Variants in SLC4A10 observed in about 807,000 individuals in gnomAD.
The protein encoded by SLC4A10 is sodium-driven chloride bicarbonate exchanger.
SLC4A10 carries 42 observed loss-of-function variants against 137.7 expected under a neutral mutation model. That is an observed-to-expected ratio of 0.30 (90% CI 0.24 to 0.39). The LOEUF (loss-of-function observed/expected upper bound fraction) is 0.39. SLC4A10 is among the 10% of genes least tolerant of loss of function. The pLI, the probability that SLC4A10 is intolerant of heterozygous loss-of-function variation, is 1.00. For missense variants in SLC4A10, 925 were observed against 1,355.0 expected (o/e 0.68, Z 4.98); for synonymous variants, 474 against 464.1 (o/e 1.02, Z -0.27).
intron 1 of SLC4A10, among the ~76,000 whole-genome samples, chr2:161,731,730 T>C (rs576549902): frequency 2.9e-3 from 436 of 152,218 alleles, no homozygotes; most frequent in African/African-American, 8.0e-3. Flanking sequence ...ATAATCTCTG[T>C]TTTTTGATGG....
chr2:161,919,714 C>T (rs1253714340), intron 15 of SLC4A10, among the ~76,000 whole-genome samples: 1 of 152,182 alleles, frequency 6.6e-6, no homozygotes, highest in African/African-American at 2.4e-5. Context: ...GGATGTAGGA[C>T]AAGAACTTGG....
rs114312345 is a variant in SLC4A10, at chr2:161,932,078, C to T, written c.1998-10714C>T. ...TTTTCAGAGTATGAAAATGTTTTCC[C>T]ATCAAACTCTTATGGTGTTGGGCCT... On this transcript the variant is annotated intron_variant, in intron 15 of 26. Coordinates refer to ENST00000446997, the MANE Select transcript of SLC4A10 (RefSeq NM_001178015.2). Among the ~76,000 whole-genome samples the T allele has an allele frequency of 5.2e-3, 793 of 152,166 alleles. 5 individuals are homozygous for T. The highest frequency in any genetic ancestry group is 0.012 in the Admixed American group (182 of 15,268).
intron 10 of SLC4A10, among the ~76,000 whole-genome samples, chr2:161,892,184 T>C (rs547033775): frequency 2.0e-5 from 3 of 152,252 alleles, no homozygotes; most frequent in African/African-American, 7.2e-5. Context: ...GACATTCATC[T>C]ACCTAAAACA....
intron 13 of SLC4A10, 33 bp downstream of exon 13, chr2:161,904,211 C>T (rs1384715757): frequency 3.2e-5 from 49 of 1,548,622 alleles, no homozygotes; most frequent in Non-Finnish European, 4.2e-5. Context: ...AACTTTGAAA[C>T]ATAATCCATT....
chr2:161,839,365 A>G (rs1034869456), intron 3 of SLC4A10, among the ~76,000 whole-genome samples: 2 of 152,164 alleles, frequency 1.3e-5, no homozygotes, highest in African/African-American at 4.8e-5. Context: ...GGTGAATAAC[A>G]TTCTGCATAG....
At chr2:161,789,865 G>C (rs773307827) in intron 2 of SLC4A10, among the ~76,000 whole-genome samples, 1 of 152,266 alleles carries the variant, frequency 6.6e-6, no homozygotes, top group Non-Finnish European at 1.5e-5. Flanking sequence ...CATTGGGATT[G>C]TGTCTGGGGG....
At chr2:161,652,323 A>G (rs1262123807) in intron 1 of SLC4A10, among the ~76,000 whole-genome samples, 1 of 152,206 alleles carries the variant, frequency 6.6e-6, no homozygotes, top group African/African-American at 2.4e-5. Flanking sequence ...GTATGAGTCA[A>G]TACTATGTTA....
intron 15 of SLC4A10, among the ~76,000 whole-genome samples, chr2:161,911,484 G>C (rs1034352245): frequency 1.3e-5 from 2 of 151,946 alleles, no homozygotes; most frequent in African/African-American, 4.8e-5. Flanking sequence ...AAACCTTTTA[G>C]TACTCACTAG....
chr2:161,841,300 A>T (rs1404701827), intron 4 of SLC4A10, among the ~76,000 whole-genome samples: 2 of 151,820 alleles, frequency 1.3e-5, no homozygotes, highest in Non-Finnish European at 2.9e-5. Context: ...CTGGTCTCGA[A>T]CTCCTGACCT....
intron 1 of SLC4A10, among the ~76,000 whole-genome samples, chr2:161,769,741 G>GCGCTATTTATAAGCTC (rs2051334752): frequency 6.6e-6 from 1 of 151,630 alleles, no homozygotes; most frequent in Non-Finnish European, 1.5e-5. Context: ...CTATTTATAA[G>GCGCTATTTATAAGCTC]AATTCTCCAA....
At chr2:161,820,268 G>T (rs963849553) in intron 3 of SLC4A10, among the ~76,000 whole-genome samples, 2 of 152,134 alleles carry the variant, frequency 1.3e-5, no homozygotes, top group African/African-American at 4.8e-5. Flanking sequence ...CTATTTTAAT[G>T]ACCAATTAGG....
At chr2:161,849,954 G>C (rs1378759385) in intron 4 of SLC4A10, among the ~76,000 whole-genome samples, 1 of 152,052 alleles carries the variant, frequency 6.6e-6, no homozygotes, top group Non-Finnish European at 1.5e-5. Flanking sequence ...TTTTGGAATA[G>C]TTTCAGTATC....
intron 3 of SLC4A10, among the ~76,000 whole-genome samples, chr2:161,810,994 C>T (rs573505246): frequency 6.6e-6 from 1 of 152,056 alleles, no homozygotes; most frequent in African/African-American, 2.4e-5. Flanking sequence ...CCGCCTGGTT[C>T]AGGGCTTTTT....
At chr2:161,976,677 G>C in intron 24 of SLC4A10, 83 bp from the exon 25 acceptor site, 1 of 597,006 alleles carries the variant, frequency 1.7e-6, no homozygotes, top group Admixed American at 3.6e-5. Context: ...ATATATGATT[G>C]CCCTATATTT....
intron 25 of SLC4A10, chr2:161,977,344 CT>C: frequency 2.2e-6 from 1 of 459,168 alleles, no homozygotes; most frequent in Non-Finnish European, 4.4e-6. Context: ...CCCTAAACTT[CT>C]TATCCCAAAA....
intron 1 of SLC4A10, among the ~76,000 whole-genome samples, chr2:161,753,794 C>G (rs2049259508): frequency 6.6e-6 from 1 of 151,936 alleles, no homozygotes; most frequent in Admixed American, 6.6e-5. Context: ...AAAAGCAGCC[C>G]TTTCATGAAA....
intron 7 of SLC4A10, among the ~76,000 whole-genome samples, chr2:161,872,960 C>T (rs1196365825): frequency 4.6e-5 from 7 of 152,052 alleles, no homozygotes; most frequent in South Asian, 2.1e-4. Flanking sequence ...GTGATCCGTC[C>T]GCCTCAGCCT....
At chr2:161,707,617 G>A (rs924103217) in intron 1 of SLC4A10, among the ~76,000 whole-genome samples, 8 of 151,066 alleles carry the variant, frequency 5.3e-5, no homozygotes, top group Non-Finnish European at 1.2e-4. Context: ...GCTATGTTGT[G>A]GTAAAAGAAA....
At chr2:161,786,428 A>T (rs894826369) in intron 2 of SLC4A10, among the ~76,000 whole-genome samples, 1 of 151,828 alleles carries the variant, frequency 6.6e-6, no homozygotes, top group Non-Finnish European at 1.5e-5. Context: ...TAATATTGAC[A>T]TGTGAAGTTT....
Sources: allele counts gnomAD v4.1 joint callset (sites outside exome capture counted in the v4.1 genomes callset), GRCh38; gene constraint gnomAD v4.1.1; transcripts MANE v1.5; gene names NCBI Gene and HGNC (gene_info 2026-07-23, HGNC 2026-07-21).